Variants in SGCZ observed in about 807,000 individuals in gnomAD.
SGCZ encodes sarcoglycan zeta.
A neutral mutation model predicts 41.3 loss-of-function variants in SGCZ; 40 were observed. The observed-to-expected ratio is 0.97, with a 90% CI of 0.75 to 1.26. The LOEUF (loss-of-function observed/expected upper bound fraction) is 1.26. Among genes scored for constraint, SGCZ ranks in the 50% most tolerant of loss-of-function variants. The pLI is 0.00. For missense variants in SGCZ, 552 were observed against 369.8 expected (o/e 1.49, Z -4.04); for synonymous variants, 206 against 137.5 (o/e 1.50, Z -3.49).
intron 1 of SGCZ, among the ~76,000 whole-genome samples, chr8:14,875,280 T>C (rs554595264): frequency 2.4e-4 from 36 of 152,298 alleles, no homozygotes; most frequent in African/African-American, 8.2e-4. Context: ...TAAGGAACTT[T>C]AGTCCTTTTG....
intron 1 of SGCZ, among the ~76,000 whole-genome samples, chr8:14,949,523 T>C (rs1800562402): frequency 1.3e-5 from 2 of 152,124 alleles, no homozygotes; most frequent in African/African-American, 2.4e-5. Context: ...GAAGTTATTA[T>C]TTCAGGAAAC....
chr8:14,918,555 T>A (rs28490015), intron 1 of SGCZ, among the ~76,000 whole-genome samples: 16,093 of 152,238 alleles, frequency 0.11, 1,056 homozygotes, highest in African/African-American at 0.17. Context: ...GATATTTGAG[T>A]GTAAACAAAC....
At chr8:14,799,567 A>G (rs1319679323) in intron 1 of SGCZ, among the ~76,000 whole-genome samples, 1 of 152,096 alleles carries the variant, frequency 6.6e-6, no homozygotes, top group Non-Finnish European at 1.5e-5. Context: ...TCACTAAACT[A>G]TCCTTAGCAT....
intron 4 of SGCZ, among the ~76,000 whole-genome samples, chr8:14,208,016 T>A (rs939988849): frequency 6.6e-6 from 1 of 152,150 alleles, no homozygotes; most frequent in African/African-American, 2.4e-5. Flanking sequence ...ACTATTAATG[T>A]TTCTTCCCTA....
chr8:14,407,760 A>AT (rs909020098), intron 2 of SGCZ, among the ~76,000 whole-genome samples: 48 of 152,178 alleles, frequency 3.2e-4, no homozygotes, highest in African/African-American at 8.7e-4. Flanking sequence ...CAGCTGGTGC[A>AT]TTTTTTCCTA....
chr8:14,862,760 G>A (rs951705680), intron 1 of SGCZ, among the ~76,000 whole-genome samples: 2 of 151,784 alleles, frequency 1.3e-5, no homozygotes, highest in African/African-American at 4.8e-5. Context: ...ACATCTTTGT[G>A]TACTGACGAG....
At chr8:15,100,550 A>G (rs765098401) in intron 1 of SGCZ, among the ~76,000 whole-genome samples, 9 of 152,236 alleles carry the variant, frequency 5.9e-5, no homozygotes, top group Non-Finnish European at 1.3e-4. Flanking sequence ...GATTCAACAC[A>G]ATCTCCATGA....
intron 2 of SGCZ, among the ~76,000 whole-genome samples, chr8:14,452,482 C>CA (rs1404768320): frequency 4.0e-5 from 6 of 150,616 alleles, no homozygotes; most frequent in Admixed American, 6.6e-5. Flanking sequence ...GACTCGATCT[C>CA]AAAAAAATAA....
At chr8:14,151,560 G>A (rs1203738399) in intron 5 of SGCZ, among the ~76,000 whole-genome samples, 1 of 151,948 alleles carries the variant, frequency 6.6e-6, no homozygotes, top group Non-Finnish European at 1.5e-5. Flanking sequence ...AGAGTATTAT[G>A]AAGAATATAA....
At chr8:15,215,494 T>G (rs898220183) in intron 1 of SGCZ, among the ~76,000 whole-genome samples, 2 of 152,216 alleles carry the variant, frequency 1.3e-5, no homozygotes, top group Non-Finnish European at 1.5e-5. Flanking sequence ...CACCTACATC[T>G]GTCTATCTAG....
intron 1 of SGCZ, among the ~76,000 whole-genome samples, chr8:14,762,537 T>C (rs919966786): frequency 6.6e-6 from 1 of 152,130 alleles, no homozygotes; most frequent in Non-Finnish European, 1.5e-5. Flanking sequence ...AATAGGGAGG[T>C]TTATTACACA....
intron 2 of SGCZ, among the ~76,000 whole-genome samples, chr8:14,458,386 A>G (rs1490173084): frequency 6.6e-6 from 1 of 152,206 alleles, no homozygotes; most frequent in Non-Finnish European, 1.5e-5. Flanking sequence ...AACTCCAGTA[A>G]GTAAAGTTGT....
chr8:15,000,454 AATT>A (rs1482578462), intron 1 of SGCZ, among the ~76,000 whole-genome samples: 5 of 152,138 alleles, frequency 3.3e-5, no homozygotes, highest in Admixed American at 2.6e-4. Context: ...CTTTAATGAA[AATT>A]ATTGTCTAAC....
At chr8:15,091,285 G>T (rs974866992) in intron 1 of SGCZ, among the ~76,000 whole-genome samples, 1 of 152,136 alleles carries the variant, frequency 6.6e-6, no homozygotes, top group East Asian at 1.9e-4. Flanking sequence ...CTCCTGAGTA[G>T]CTGAGACTAA....
intron 1 of SGCZ, among the ~76,000 whole-genome samples, chr8:15,148,601 T>C (rs1031886618): frequency 6.6e-6 from 1 of 152,208 alleles, no homozygotes. Flanking sequence ...GCTTGATTAA[T>C]ACAACCCCTG....
At chr8:14,326,467 G>C (rs1446504679) in intron 2 of SGCZ, among the ~76,000 whole-genome samples, 1 of 152,140 alleles carries the variant, frequency 6.6e-6, no homozygotes, top group Non-Finnish European at 1.5e-5. Flanking sequence ...TAAAAAGCCA[G>C]ACTAAAGGAT....
chr8:14,971,876 T>G (rs939686037), intron 1 of SGCZ, among the ~76,000 whole-genome samples: 2 of 151,938 alleles, frequency 1.3e-5, no homozygotes, highest in Non-Finnish European at 2.9e-5. Flanking sequence ...TTTCAATCAC[T>G]TGGTCTCGTG....
intron 2 of SGCZ, among the ~76,000 whole-genome samples, chr8:14,501,429 AT>A (rs1388536138): frequency 2.6e-5 from 4 of 151,970 alleles, no homozygotes; most frequent in Non-Finnish European, 5.9e-5. Flanking sequence ...ATAATTTAAA[AT>A]TTTAATACAT....
At chr8:15,077,089 T>G (rs2131037656) in intron 1 of SGCZ, among the ~76,000 whole-genome samples, 1 of 152,352 alleles carries the variant, frequency 6.6e-6, no homozygotes, top group African/African-American at 2.4e-5. Context: ...ATATTCTTGT[T>G]GGAGACTCAC....
Sources: gnomAD v4.1 joint callset for allele counts (sites outside exome capture counted in the v4.1 genomes callset) on GRCh38, gnomAD v4.1.1 for gene constraint, MANE v1.5 for transcripts, NCBI Gene and HGNC (gene_info 2026-07-23, HGNC 2026-07-21) for gene names.